CTNNA2: variants seen among roughly 807,000 people sequenced by gnomAD.
CTNNA2 encodes catenin alpha-2.
A neutral mutation model predicts 101.0 loss-of-function variants in CTNNA2; 42 were observed. The ratio of observed to expected loss-of-function variants is 0.42; its 90% confidence interval spans 0.32 to 0.54. The LOEUF is 0.54. Ranked by LOEUF, CTNNA2 falls within the 20% of genes least tolerant of loss-of-function variation. The pLI, the probability that CTNNA2 is intolerant of heterozygous loss-of-function variation, is 0.14. For synonymous variants in CTNNA2, 450 were observed against 456.4 expected (o/e 0.99, Z 0.18); for missense variants, 871 against 1,223.1 (o/e 0.71, Z 4.29).
intron 1 of CTNNA2, among the ~76,000 whole-genome samples, chr2:79,527,474 CAAAAAAAAA>C (rs58822666): frequency 2.3e-5 from 2 of 85,200 alleles, no homozygotes; most frequent in East Asian, 8.5e-4. Context: ...ACTAAAAATA[CAAAAAAAAA>C]AAAAAAAAAA....
intron 7 of CTNNA2, among the ~76,000 whole-genome samples, chr2:80,168,373 A>G (rs1180189828): frequency 1.3e-5 from 2 of 152,118 alleles, no homozygotes; most frequent in Non-Finnish European, 2.9e-5. Context: ...ATATCTATAA[A>G]AGCCAAATAA....
chr2:80,370,490 C>A (rs2149332403), intron 7 of CTNNA2, among the ~76,000 whole-genome samples: 1 of 152,166 alleles, frequency 6.6e-6, no homozygotes, highest in African/African-American at 2.4e-5. Context: ...ATAATAAGGC[C>A]AAGTCAATGC....
intron 12 of CTNNA2, among the ~76,000 whole-genome samples, chr2:80,562,643 ATTAT>A (rs528439272): frequency 6.6e-4 from 100 of 152,216 alleles, no homozygotes; most frequent in African/African-American, 2.2e-3. Flanking sequence ...TATGCACAAG[ATTAT>A]TTATTACAAG....
At chr2:80,490,587 C>T (rs927368200) in intron 9 of CTNNA2, among the ~76,000 whole-genome samples, 2 of 152,024 alleles carry the variant, frequency 1.3e-5, no homozygotes, top group South Asian at 2.1e-4. Flanking sequence ...ATTTAAACAG[C>T]GGGCTGCAGT....
intron 3 of CTNNA2, among the ~76,000 whole-genome samples, chr2:79,833,167 C>G (rs1574085406): frequency 6.6e-6 from 1 of 152,170 alleles, no homozygotes; most frequent in Non-Finnish European, 1.5e-5. Flanking sequence ...GTTGGGGTTT[C>G]TAAACCTGAG....
At chr2:80,509,562 G>A (rs1406041523) in intron 9 of CTNNA2, among the ~76,000 whole-genome samples, 2 of 152,140 alleles carry the variant, frequency 1.3e-5, no homozygotes, top group Admixed American at 6.5e-5. Flanking sequence ...GAGTGTGCTA[G>A]GAAATGCCAG....
chr2:79,517,840 T>G (rs1037666074), intron 1 of CTNNA2, among the ~76,000 whole-genome samples: 3 of 152,204 alleles, frequency 2.0e-5, no homozygotes, highest in Non-Finnish European at 4.4e-5. Flanking sequence ...TTTTTCCTTT[T>G]ATTAATAGGC....
intron 7 of CTNNA2, among the ~76,000 whole-genome samples, chr2:79,915,437 C>T (rs1354306617): frequency 1.3e-5 from 2 of 152,154 alleles, no homozygotes; most frequent in Non-Finnish European, 2.9e-5. Context: ...TATCAATAAA[C>T]ATTCTCTAAC....
chr2:79,621,243 G>A (rs533392763), intron 1 of CTNNA2, among the ~76,000 whole-genome samples: 3 of 152,258 alleles, frequency 2.0e-5, no homozygotes, highest in African/African-American at 7.2e-5. Context: ...TTAGCTGAGA[G>A]GACCTAGAAG....
At chr2:80,148,855 A>G (rs1453797111) in intron 7 of CTNNA2, among the ~76,000 whole-genome samples, 2 of 152,142 alleles carry the variant, frequency 1.3e-5, no homozygotes, top group African/African-American at 4.8e-5. Context: ...AATCAACTTC[A>G]GGCTGCAGAT....
intron 4 of CTNNA2, among the ~76,000 whole-genome samples, chr2:79,375,307 C>T (rs1171157691): frequency 6.6e-6 from 1 of 152,126 alleles, no homozygotes; most frequent in Admixed American, 6.5e-5. Context: ...GCAACAACTA[C>T]CTTGTAAGCT....
chr2:80,591,544 TATAC>T (rs113338140), intron 15 of CTNNA2, among the ~76,000 whole-genome samples: 1,802 of 150,392 alleles, frequency 0.012, 35 homozygotes, highest in African/African-American at 0.04. Flanking sequence ...TATTTGACCT[TATAC>T]ATTGTTATTA....
intron 1 of CTNNA2, among the ~76,000 whole-genome samples, chr2:79,536,328 A>T (rs1269717130): frequency 2.0e-5 from 3 of 152,156 alleles, no homozygotes; most frequent in Non-Finnish European, 4.4e-5. Flanking sequence ...GTTTGTCACC[A>T]TCCAGATTGG....
In CTNNA2 at chr2:80,427,555, A is replaced by G. The variant is rs1416985302; in HGVS notation, c.1290+7954A>G. 2.0e-5 allele frequency among the ~76,000 whole-genome samples: 3 copies of G among 152,224 alleles called. No individual in the cohort carries two copies. The East Asian group carries it at 5.8e-4, about 29-fold the overall frequency. ...AAAGTACAGCACTGAAGCCATAGCA[A>G]TGATGAGTTAGACAAGGGAATCTCA... On this transcript the variant is annotated intron_variant, in intron 9 of 18. Transcript: ENST00000402739.
At chr2:79,439,113 T>C (rs1295955118) in intron 4 of CTNNA2, among the ~76,000 whole-genome samples, 1 of 152,162 alleles carries the variant, frequency 6.6e-6, no homozygotes, top group Non-Finnish European at 1.5e-5. Context: ...CAAAAGCCAG[T>C]GTACACATGT....
At chr2:79,478,437 A>G (rs1051691289) in intron 4 of CTNNA2, among the ~76,000 whole-genome samples, 3 of 152,220 alleles carry the variant, frequency 2.0e-5, no homozygotes, top group Non-Finnish European at 4.4e-5. Context: ...TGTAAGGCAG[A>G]GTCAATAAAT....
chr2:79,208,209 G>A (rs112717356), intron 2 of CTNNA2, among the ~76,000 whole-genome samples: 1 of 152,174 alleles, frequency 6.6e-6, no homozygotes, highest in Non-Finnish European at 1.5e-5. Context: ...GCCTGGGTAA[G>A]ATCATTTCCT....
At chr2:79,771,330 C>T (rs1289241627) in intron 3 of CTNNA2, among the ~76,000 whole-genome samples, 2 of 152,152 alleles carry the variant, frequency 1.3e-5, no homozygotes, top group Non-Finnish European at 2.9e-5. Context: ...TTTCTGGCAC[C>T]AGGGACCAGT....
intron 1 of CTNNA2, among the ~76,000 whole-genome samples, chr2:79,556,533 C>T (rs1674457365): frequency 6.6e-6 from 1 of 151,884 alleles, no homozygotes; most frequent in Admixed American, 6.6e-5. Context: ...GAAGCCAGTC[C>T]CCTGATACAT....
Sources: allele counts gnomAD v4.1 joint callset (sites outside exome capture counted in the v4.1 genomes callset), GRCh38; gene constraint gnomAD v4.1.1; transcripts MANE v1.5; gene names NCBI Gene and HGNC (gene_info 2026-07-23, HGNC 2026-07-21).